PCDHGA4: variants seen among roughly 807,000 people sequenced by gnomAD.
PCDHGA4 encodes the protein protocadherin gamma subfamily A, 4.
A neutral mutation model predicts 54.6 loss-of-function variants in PCDHGA4; 38 were observed. The observed-to-expected ratio is 0.70, with a 90% CI of 0.54 to 0.91. The LOEUF is 0.91. Ranked by LOEUF, PCDHGA4 falls within the 40% of genes least tolerant of loss-of-function variation. The pLI is 0.00. For synonymous variants in PCDHGA4, 511 were observed against 512.9 expected (o/e 1.00, Z 0.05); for missense variants, 1,298 against 1,220.9 (o/e 1.06, Z -0.94).
At chr5:141,409,596 A>G in intron 1 of PCDHGA4, 1 of 1,613,714 alleles carries the variant, frequency 6.2e-7, no homozygotes, top group Non-Finnish European at 8.5e-7. Flanking sequence ...GCCGAGAACA[A>G]CCCGCCAGGA....
chr5:141,415,935 C>A, intron 1 of PCDHGA4: 1 of 601,886 alleles, frequency 1.7e-6, no homozygotes, highest in Non-Finnish European at 2.4e-6. Context: ...TTTATATTTC[C>A]TCCTGGGTGG....
At chr5:141,408,697 C>T (rs58047392) in intron 1 of PCDHGA4, 227,396 of 1,612,898 alleles carry the variant, frequency 0.14, 18,149 homozygotes, top group African/African-American at 0.31. Context: ...TAAACATAAA[C>T]TCAATTAAAG....
rs1768012358 is a variant in PCDHGA4 at position 141,371,760 on chromosome 5, T to G, written c.2514+14139T>G. ...CAACGTTCCCGTTTTCCACCAGGCC[T>G]CCTACACCGTGCATGTAGCTGAGAA... On this transcript the variant is annotated intron_variant, in intron 1 of 3. Coordinates refer to ENST00000571252, the MANE Select transcript of PCDHGA4 (RefSeq NM_018917.4). 3 of 1,613,860 alleles carry G rather than the reference T, an allele frequency of 1.9e-6. No individual in the cohort carries two copies. The South Asian group carries it at 3.3e-5, about 18-fold the overall frequency.
At chr5:141,384,638 G>C in intron 1 of PCDHGA4, 1 of 1,614,188 alleles carries the variant, frequency 6.2e-7, no homozygotes, top group Non-Finnish European at 8.5e-7. Context: ...CTGGCACCCC[G>C]CTCCGCAGAG....
chr5:141,472,230 C>T (rs1274096264), intron 1 of PCDHGA4, among the ~76,000 whole-genome samples: 1 of 152,116 alleles, frequency 6.6e-6, no homozygotes, highest in Non-Finnish European at 1.5e-5. Flanking sequence ...TCATATAATA[C>T]ATTCACTTTC....
chr5:141,503,671 A>G (rs1028896082), intron 2 of PCDHGA4, among the ~76,000 whole-genome samples: 2 of 151,950 alleles, frequency 1.3e-5, no homozygotes, highest in Non-Finnish European at 2.9e-5. Flanking sequence ...AACTCTTCCC[A>G]CTTTTGGGAA....
At chr5:141,372,379 T>TA (rs1390677977) in intron 1 of PCDHGA4, 1 of 1,613,888 alleles carries the variant, frequency 6.2e-7, no homozygotes, top group Non-Finnish European at 8.5e-7. Context: ...ATGCTGCACC[T>TA]AATCTTCGCA....
intron 1 of PCDHGA4, chr5:141,370,409 C>CG (rs775733785): frequency 1.3e-6 from 2 of 1,561,734 alleles, no homozygotes; most frequent in Non-Finnish European, 1.7e-6. Context: ...GAAATAGCTC[C>CG]GGATGGAGGG....
At chr5:141,384,058 C>T (rs1246180478) in intron 1 of PCDHGA4, 2 of 1,609,504 alleles carry the variant, frequency 1.2e-6, no homozygotes, top group Non-Finnish European at 1.7e-6. Context: ...CTGCACCATT[C>T]CAGAAAACCT....
In PCDHGA4 at chr5:141,491,961, G is replaced by A. The variant is rs891299192; in HGVS notation, c.2515-2846G>A. 3 of 970,010 alleles carry A rather than the reference G, an allele frequency of 3.1e-6. No individual in the cohort carries two copies. The highest frequency in any genetic ancestry group is 4.3e-6 in the Non-Finnish European group (3 of 693,098). 60.1% of individuals were successfully genotyped at this position (970,010 alleles called of 1,614,324 possible). On this transcript the variant is annotated intron_variant, in intron 1 of 3. Transcript: ENST00000571252. This position sits in a 1 kb window ranked among gnomAD's most constrained non-coding sequence, Gnocchi z 6.9. ...GACCCCCACCCCTACACTCAAAAAAGGCCGGGGCCTCCTTCGAGCTTCCGG... is the reference window on the plus strand; with the variant it reads ...GACCCCCACCCCTACACTCAAAAAAAGCCGGGGCCTCCTTCGAGCTTCCGG...
chr5:141,511,028 T>C lies in PCDHGA4; in HGVS notation c.2744T>C (p.Leu915Pro). ...GCCCGCTACGGACCCCAGTTCACCC[T>C]GCAGCACGTGCCCGACTACCGCCAG... ...LSARYGPQFTLQHVPDYRQNV... is the reference protein window; with the variant it reads ...LSARYGPQFTPQHVPDYRQNV... The change falls in exon 4 of 4, where the codon CTG becomes CCG. Residue 915 changes from leucine (L) to proline (P), a missense_variant. Leu to Pro is a moderately conservative substitution (Grantham distance 98, BLOSUM62 -3). Transcript: ENST00000571252. 1 of 1,614,202 alleles carries C rather than the reference T, an allele frequency of 6.2e-7. No homozygotes were observed. Among genetic ancestry groups the C allele is most frequent in the Non-Finnish European group, 8.5e-7 (1 of 1,180,028 alleles).
chr5:141,437,978 C>T (rs1014157103), intron 1 of PCDHGA4, among the ~76,000 whole-genome samples: 2 of 152,212 alleles, frequency 1.3e-5, no homozygotes, highest in East Asian at 1.9e-4. Context: ...TCTTGGGATG[C>T]ACCCACCCCA....
intron 1 of PCDHGA4, chr5:141,367,677 A>G (rs1045568085): frequency 2.0e-5 from 3 of 152,168 alleles, no homozygotes; most frequent in Non-Finnish European, 4.4e-5. Context: ...GGGCTTGTTG[A>G]GAGAAGAAAT....
At chr5:141,404,002 A>G in intron 1 of PCDHGA4, 2 of 1,613,928 alleles carry the variant, frequency 1.2e-6, no homozygotes, top group South Asian at 1.1e-5. Context: ...TGACCATTAC[A>G]TCTCTGTTTA....
chr5:141,503,164 C>G (rs1262310388), intron 2 of PCDHGA4, among the ~76,000 whole-genome samples: 2 of 152,068 alleles, frequency 1.3e-5, no homozygotes, highest in East Asian at 3.9e-4. Flanking sequence ...ATCACAATTG[C>G]AATTACTCTA....
At chr5:141,399,194 C>G in intron 1 of PCDHGA4, 1 of 1,613,838 alleles carries the variant, frequency 6.2e-7, no homozygotes, top group Non-Finnish European at 8.5e-7. Context: ...CTGGAAAACG[C>G]GGTGCCTGGA....
At position 141,487,688 on chromosome 5, in the gene PCDHGA4, G is replaced by A. The variant is rs376927186; in HGVS notation, c.2515-7119G>A. On this transcript the variant is annotated intron_variant, in intron 1 of 3. Coordinates refer to ENST00000571252, the MANE Select transcript of PCDHGA4 (RefSeq NM_018917.4). The surrounding 1 kb of genome is among the most constrained non-coding windows in gnomAD (Gnocchi z 5.0). ...AGGCATATGGCTAGGCCATGTCCTA[G>A]AGAGTACTGGCCTCTCAGTAAGTGC... 6.2e-7 allele frequency: 1 copy of A among 1,604,966 alleles called. No homozygotes were observed.
rs2099642802 is a variant in PCDHGA4, at chr5:141,487,311, CTAAG to C, written c.2515-7494_2515-7491del. The C allele has an allele frequency of 1.2e-6, 2 of 1,614,058 alleles. No individual in the cohort carries two copies. On this transcript the variant is annotated intron_variant, in intron 1 of 3. Coordinates refer to ENST00000571252, the MANE Select transcript of PCDHGA4 (RefSeq NM_018917.4). This position sits in a 1 kb window ranked among gnomAD's most constrained non-coding sequence, Gnocchi z 5.0. ...TTTGGCTCATTCGTGGCACTACTCTCTAAGTGTCTTCGTGGGGCAGCCTGTGGAG... is the reference window on the plus strand; with the variant it reads ...TTTGGCTCATTCGTGGCACTACTCTCTGTCTTCGTGGGGCAGCCTGTGGAG...
intron 1 of PCDHGA4, among the ~76,000 whole-genome samples, chr5:141,475,237 G>C (rs2099360785): frequency 6.6e-6 from 1 of 152,234 alleles, no homozygotes. Flanking sequence ...AAACGATAGA[G>C]AGAGTGTGCT....
Sources: allele counts gnomAD v4.1 joint callset (sites outside exome capture counted in the v4.1 genomes callset), GRCh38; gene constraint gnomAD v4.1.1; non-coding constraint Gnocchi (gnomAD v3.1); transcripts MANE v1.5; gene names NCBI Gene and HGNC (gene_info 2026-07-23, HGNC 2026-07-21).